The following CENPP variants were observed in gnomAD, a reference collection of about 807,000 sequenced individuals.
CENPP encodes the protein centromere protein P.
Under a neutral mutation model 35.6 loss-of-function variants are expected in CENPP, and 24 were observed. That is an observed-to-expected ratio of 0.67 (90% CI 0.49 to 0.95). The LOEUF (loss-of-function observed/expected upper bound fraction) is 0.95. Among genes scored for constraint, CENPP ranks in the 40% least tolerant of loss-of-function variants. The pLI is 0.00. For synonymous variants in CENPP, 120 were observed against 125.5 expected (o/e 0.96, Z 0.29); for missense variants, 332 against 345.3 (o/e 0.96, Z 0.31).
Position 92,419,350 on chromosome 9 carries a change from G to T in CENPP, c.564+39491G>T, listed in dbSNP as rs549917485. On this transcript the variant is annotated intron_variant, in intron 5 of 7. Transcript: ENST00000375587. ...GAGTCTTGCTCTGTTGCCCAGACTG[G>T]AGTGCAGTGGTGCGATCTCGGCTCA... 3.4e-5 allele frequency among the ~76,000 whole-genome samples: 5 copies of T among 148,474 alleles called. No individual in the cohort carries two copies. The East Asian group carries it at 9.8e-4, about 29-fold the overall frequency.
chr9:92,458,099 T>C (rs1844953384), intron 5 of CENPP, among the ~76,000 whole-genome samples: 1 of 152,218 alleles, frequency 6.6e-6, no homozygotes. Context: ...GCATCAATAA[T>C]TGAAATCACT....
At chr9:92,580,134 G>C (rs1850384971) in intron 5 of CENPP, among the ~76,000 whole-genome samples, 1 of 152,136 alleles carries the variant, frequency 6.6e-6, no homozygotes, top group African/African-American at 2.4e-5. Context: ...AACCAGCCTT[G>C]CATCCCAGGG....
chr9:92,542,547 T>C (rs1212573077), intron 5 of CENPP, among the ~76,000 whole-genome samples: 1 of 151,756 alleles, frequency 6.6e-6, no homozygotes, highest in African/African-American at 2.4e-5. Context: ...CTGTCTCATA[T>C]AGCTATAGCT....
At chr9:92,370,584 G>A (rs1020964843) in intron 4 of CENPP, among the ~76,000 whole-genome samples, 2 of 152,192 alleles carry the variant, frequency 1.3e-5, no homozygotes, top group Non-Finnish European at 1.5e-5. Context: ...GGGTTCAAGC[G>A]ATTCTCCTGC....
At chr9:92,327,418 C>T (rs554004895) in intron 1 of CENPP, among the ~76,000 whole-genome samples, 1 of 152,312 alleles carries the variant, frequency 6.6e-6, no homozygotes, top group South Asian at 2.1e-4. Context: ...GGGATTTATG[C>T]TGTATGAGTG....
intron 3 of CENPP, among the ~76,000 whole-genome samples, chr9:92,340,763 G>A (rs1841089052): frequency 6.6e-6 from 1 of 152,032 alleles, no homozygotes; most frequent in Admixed American, 6.5e-5. Context: ...CCTGTCAGCT[G>A]AGGGGATGTA....
intron 5 of CENPP, among the ~76,000 whole-genome samples, chr9:92,432,054 G>T (rs959369956): frequency 6.6e-6 from 1 of 152,190 alleles, no homozygotes; most frequent in African/African-American, 2.4e-5. Flanking sequence ...GCCGGGCTCA[G>T]TGGCTCACGC....
chr9:92,362,367 A>T (rs1841777116), intron 4 of CENPP, among the ~76,000 whole-genome samples: 1 of 150,246 alleles, frequency 6.7e-6, no homozygotes, highest in African/African-American at 2.5e-5. Context: ...TTTGTCTCTA[A>T]AAAAAAAGTT....
chr9:92,530,252 A>T (rs1848663748), intron 5 of CENPP, among the ~76,000 whole-genome samples: 1 of 152,194 alleles, frequency 6.6e-6, no homozygotes, highest in Non-Finnish European at 1.5e-5. Context: ...AATACAGAGT[A>T]ACAAGAGTGA....
At chr9:92,427,197 C>T (rs1843988909) in intron 5 of CENPP, among the ~76,000 whole-genome samples, 1 of 152,234 alleles carries the variant, frequency 6.6e-6, no homozygotes, top group African/African-American at 2.4e-5. Flanking sequence ...CAGTCTGGCT[C>T]TGTCGCCAAG....
At chr9:92,496,823 G>T (rs543543414) in intron 5 of CENPP, among the ~76,000 whole-genome samples, 1 of 152,000 alleles carries the variant, frequency 6.6e-6, no homozygotes. Context: ...AACTTATATC[G>T]CAGATACAAA....
chr9:92,522,237 C>A (rs999532761), intron 5 of CENPP, among the ~76,000 whole-genome samples: 1 of 151,998 alleles, frequency 6.6e-6, no homozygotes, highest in African/African-American at 2.4e-5. Context: ...CAGGTACATG[C>A]CACCACACCC....
At chr9:92,376,198 T>C (rs997341805) in intron 4 of CENPP, among the ~76,000 whole-genome samples, 1 of 152,208 alleles carries the variant, frequency 6.6e-6, no homozygotes, top group Non-Finnish European at 1.5e-5. Context: ...GAGCACTTTT[T>C]CCAAGACTTT....
At chr9:92,402,377 G>A (rs1308470386) in intron 5 of CENPP, among the ~76,000 whole-genome samples, 3 of 152,136 alleles carry the variant, frequency 2.0e-5, no homozygotes, top group Non-Finnish European at 4.4e-5. Context: ...AATCTTATAA[G>A]TCTTTATCCT....
intron 5 of CENPP, among the ~76,000 whole-genome samples, chr9:92,457,928 T>G (rs1219425422): frequency 2.6e-5 from 4 of 152,194 alleles, no homozygotes; most frequent in African/African-American, 7.2e-5. Context: ...ATTTAAAACA[T>G]TAGAAATGAT....
intron 5 of CENPP, chr9:92,510,001 C>T (rs751407516): frequency 6.2e-7 from 1 of 1,601,828 alleles, no homozygotes. Flanking sequence ...AAATTATTTC[C>T]ATCCATATTC....
At chr9:92,591,669 A>G (rs1314601057) in intron 5 of CENPP, among the ~76,000 whole-genome samples, 1 of 152,052 alleles carries the variant, frequency 6.6e-6, no homozygotes, top group Admixed American at 6.6e-5. Flanking sequence ...GCGATGTTTC[A>G]TTTATGGTCA....
chr9:92,416,058 G>GTGTGTGTGTATATATATATATA (rs6151074), intron 5 of CENPP, among the ~76,000 whole-genome samples: 7 of 130,908 alleles, frequency 5.3e-5, no homozygotes, highest in South Asian at 2.5e-4. Context: ...ATATATGTGT[G>GTGTGTGTGTATATATATATATA]TATATATATA....
chr9:92,567,376 A>ATATATATC (rs1850007217), intron 5 of CENPP, among the ~76,000 whole-genome samples: 2 of 83,516 alleles, frequency 2.4e-5, no homozygotes, highest in Non-Finnish European at 4.5e-5. Context: ...TAAGATAGAT[A>ATATATATC]TATATATATA....
Sources: gnomAD v4.1 joint callset for allele counts (sites outside exome capture counted in the v4.1 genomes callset) on GRCh38, gnomAD v4.1.1 for gene constraint, MANE v1.5 for transcripts, NCBI Gene and HGNC (gene_info 2026-07-23, HGNC 2026-07-21) for gene names.